Variants in ANO10 observed in about 807,000 individuals in gnomAD.
ANO10 encodes the protein anoctamin 10.
ANO10 carries 77 observed loss-of-function variants against 74.7 expected under a neutral mutation model. The ratio of observed to expected loss-of-function variants is 1.03; its 90% CI spans 0.86 to 1.25. The LOEUF (loss-of-function observed/expected upper bound fraction) is 1.25, where lower values mean the gene tolerates loss of function less well. Among genes scored for constraint, ANO10 ranks in the 50% most tolerant of loss-of-function variants. The probability of loss-of-function intolerance (pLI) is 0.00; values close to 1 mark genes in which losing one functional copy is unlikely to be tolerated. For synonymous variants in ANO10, 279 were observed against 284.9 expected (o/e 0.98, Z 0.21); for missense variants, 721 against 778.1 (o/e 0.93, Z 0.87).
chr3:43,451,101 C>T (rs193272502), intron 11 of ANO10, among the ~76,000 whole-genome samples: 1 of 152,358 alleles, frequency 6.6e-6, no homozygotes, highest in East Asian at 1.9e-4. Flanking sequence ...TCCCTAAGCA[C>T]ATCCTTGCAG....
Position 43,691,273 on chromosome 3 carries a change from G to C in ANO10, c.-12+244C>G, listed in dbSNP as rs531911118. ...CCCCGAGGTGTCTGAGCCGGACTCC[G>C]GCCGCGCCGGGAGGCCGCCTTGACC... On this transcript the variant is annotated intron_variant, in intron 1 of 3. Coordinates refer to the ANO10 transcript ENST00000413397. The C allele has an allele frequency of 3.5e-4, 132 of 375,618 alleles. 1 individual carries two copies. Among genetic ancestry groups the C allele is most frequent in the African/African-American group, 2.5e-3 (120 of 47,652 alleles). The allele number at this position is 375,618 out of a possible 1,614,324, so 23.3% of individuals were successfully genotyped here.
intron 11 of ANO10, among the ~76,000 whole-genome samples, chr3:43,507,192 T>C (rs78788842): frequency 0.032 from 4,866 of 152,278 alleles, 154 homozygotes; most frequent in Non-Finnish European, 0.046. Flanking sequence ...TCTGTATCCA[T>C]ACAGCAAGGA....
At chr3:43,558,976 A>G (rs907246188) in intron 9 of ANO10, among the ~76,000 whole-genome samples, 1 of 152,220 alleles carries the variant, frequency 6.6e-6, no homozygotes, top group Admixed American at 6.5e-5. Flanking sequence ...AGAGAAATCA[A>G]TATATTATTT....
At chr3:43,501,868 T>A (rs1258440576) in intron 11 of ANO10, among the ~76,000 whole-genome samples, 2 of 152,178 alleles carry the variant, frequency 1.3e-5, no homozygotes, top group Non-Finnish European at 2.9e-5. Flanking sequence ...CTGTCTCCAA[T>A]TACTTCACCC....
chr3:43,372,218 C>A (rs73831283), intron 12 of ANO10, among the ~76,000 whole-genome samples: 3,706 of 152,268 alleles, frequency 0.024, 159 homozygotes, highest in African/African-American at 0.083. Context: ...GCATCTCAGA[C>A]CATGGAACTT....
At chr3:43,626,879 T>C (rs530148508), upstream of ANO10, among the ~76,000 whole-genome samples, 4 of 152,250 alleles carry the variant, frequency 2.6e-5, no homozygotes, top group South Asian at 8.3e-4. Flanking sequence ...CTTCATTCTC[T>C]CTCTTTAAAC....
intron 11 of ANO10, among the ~76,000 whole-genome samples, chr3:43,539,765 T>C (rs1471657266): frequency 6.6e-6 from 1 of 152,256 alleles, no homozygotes; most frequent in East Asian, 1.9e-4. Context: ...ACTTTGAAAT[T>C]ATGGCTTAAG....
upstream of ANO10, among the ~76,000 whole-genome samples, chr3:43,625,465 T>C (rs967237328): frequency 2.0e-5 from 3 of 152,236 alleles, no homozygotes; most frequent in Non-Finnish European, 2.9e-5. Flanking sequence ...TAGTTGTTCT[T>C]TACATTTTAT....
At chr3:43,592,183 T>C (rs1266937910) in intron 4 of ANO10, among the ~76,000 whole-genome samples, 1 of 152,202 alleles carries the variant, frequency 6.6e-6, no homozygotes, top group African/African-American at 2.4e-5. Context: ...AGGGCATAGC[T>C]GAACAAAAGG....
upstream of ANO10, among the ~76,000 whole-genome samples, chr3:43,624,695 G>A (rs376825817): frequency 1.3e-5 from 2 of 152,264 alleles, no homozygotes; most frequent in African/African-American, 4.8e-5. Flanking sequence ...CCCAGTCTCA[G>A]TTATTTCTTT....
At chr3:43,566,846 G>A (rs1423313591) in intron 7 of ANO10, among the ~76,000 whole-genome samples, 12 of 152,336 alleles carry the variant, frequency 7.9e-5, no homozygotes, top group African/African-American at 2.9e-4. Context: ...TAACTTTGAC[G>A]AGCTGAGAGA....
chr3:43,629,276 A>G (rs905087084), intron 1 of ANO10, among the ~76,000 whole-genome samples: 2 of 152,234 alleles, frequency 1.3e-5, no homozygotes, highest in Non-Finnish European at 2.9e-5. Flanking sequence ...ATATTTTATA[A>G]TTAAGTAAGA....
chr3:43,530,320 CA>C (rs1287789489), intron 11 of ANO10, among the ~76,000 whole-genome samples: 20 of 151,410 alleles, frequency 1.3e-4, no homozygotes, highest in African/African-American at 4.6e-4. Flanking sequence ...ACTCTTAAAC[CA>C]AAACAAGTGA....
At chr3:43,495,826 A>T (rs1374657444) in intron 11 of ANO10, among the ~76,000 whole-genome samples, 2 of 151,930 alleles carry the variant, frequency 1.3e-5, no homozygotes, top group Non-Finnish European at 2.9e-5. Flanking sequence ...CAGCCTCCCG[A>T]GTAGCTGGGA....
intron 11 of ANO10, among the ~76,000 whole-genome samples, chr3:43,506,814 T>A (rs565065749): frequency 6.6e-6 from 1 of 152,136 alleles, no homozygotes; most frequent in African/African-American, 2.4e-5. Context: ...CTTAAAACTA[T>A]ACCACCACCC....
chr3:43,564,093 C>T (rs1575435494), intron 8 of ANO10, among the ~76,000 whole-genome samples: 5 of 151,940 alleles, frequency 3.3e-5, no homozygotes, highest in Middle Eastern at 6.8e-3. Context: ...AGTGCAGTGG[C>T]GTGATCACAG....
intron 11 of ANO10, among the ~76,000 whole-genome samples, chr3:43,526,154 G>A (rs2078187147): frequency 1.3e-5 from 2 of 152,058 alleles, no homozygotes; most frequent in Admixed American, 6.6e-5. Context: ...CTTTAGTCAG[G>A]GACATGACTA....
At chr3:43,425,395 G>A (rs1205905581) in intron 12 of ANO10, among the ~76,000 whole-genome samples, 2 of 151,040 alleles carry the variant, frequency 1.3e-5, no homozygotes, top group African/African-American at 4.9e-5. Context: ...CTTACGAAAT[G>A]TTGAAAAAAA....
chr3:43,427,706 T>G (rs1009349091), intron 12 of ANO10, among the ~76,000 whole-genome samples: 6 of 152,150 alleles, frequency 3.9e-5, no homozygotes, highest in Non-Finnish European at 7.4e-5. Context: ...GCCCAGTGAG[T>G]TGAGGCTACT....
Sources: gnomAD v4.1 joint callset for allele counts (sites outside exome capture counted in the v4.1 genomes callset) on GRCh38, gnomAD v4.1.1 for gene constraint, MANE v1.5 for transcripts, NCBI Gene and HGNC (gene_info 2026-07-23, HGNC 2026-07-21) for gene names.